MYH15: variants seen among roughly 807,000 people sequenced by gnomAD.
MYH15 encodes myosin heavy chain 15.
In MYH15, 227 loss-of-function variants were observed where a neutral mutation model predicts 240.5. The observed-to-expected ratio is 0.94, with a 90% confidence interval of 0.85 to 1.05. The LOEUF is 1.05. Ranked by LOEUF, MYH15 falls within the 50% of genes least tolerant of loss-of-function variation. The pLI is 0.00. For synonymous variants in MYH15, 785 were observed against 796.7 expected, an observed-to-expected ratio of 0.99 and a Z score of 0.25; for missense variants, 2,217 against 2,247.5, an observed-to-expected ratio of 0.99 and a Z score of 0.27.
intron 25 of MYH15, among the ~76,000 whole-genome samples, chr3:108,434,553 TTAA>T (rs1266344098): frequency 1.2e-5 from 1 of 86,524 alleles, no homozygotes; most frequent in Non-Finnish European, 2.2e-5. Flanking sequence ...AATTATTATA[TTAA>T]TAACATATTA....
chr3:108,392,336 A>G (rs1323666062), intron 36 of MYH15, among the ~76,000 whole-genome samples: 2 of 152,228 alleles, frequency 1.3e-5, no homozygotes, highest in Non-Finnish European at 2.9e-5. Context: ...GCCTACAAAA[A>G]TCTTTTCACA....
rs139188390 is a variant in MYH15, at chr3:108,434,910, A to T, written c.3221+2644T>A. Among the ~76,000 whole-genome samples the T allele has an allele frequency of 1.3e-3, 205 of 152,324 alleles. 1 individual carries two copies. The highest frequency in any genetic ancestry group is 3.1e-3 in the Admixed American group (47 of 15,306). The stretch of plus-strand genomic sequence containing the variant: ...TATCATACTTCTGAAATTTTCTTAG[A>T]AAATAGATTACTATTTCATTGTTTT... On this transcript the variant is annotated intron_variant, in intron 25 of 40. Coordinates refer to ENST00000693548, the MANE Select transcript of MYH15 (RefSeq NM_014981.3).
intron 23 of MYH15, 51 bp downstream of exon 23, chr3:108,440,967 A>T: frequency 6.2e-7 from 1 of 1,604,874 alleles, no homozygotes; most frequent in Non-Finnish European, 8.5e-7. Flanking sequence ...CTGATTTGAG[A>T]GTGGAATTCT....
intron 36 of MYH15, among the ~76,000 whole-genome samples, chr3:108,392,518 G>A (rs2082429365): frequency 6.6e-6 from 1 of 152,232 alleles, no homozygotes; most frequent in South Asian, 2.1e-4. Flanking sequence ...CAATCATTAA[G>A]AACTGTTTTG....
chr3:108,477,336 C>G lies in MYH15; in HGVS notation c.1115-821G>C, dbSNP rs72941717. On this transcript the variant is annotated intron_variant, in intron 11 of 40. Coordinates refer to ENST00000693548, the MANE Select transcript of MYH15 (RefSeq NM_014981.3). ...TGAGGAGAAGCAAAAATCAAAATAA[C>G]TACTAATAGTTGCTACTAAAAGTTT... Among the ~76,000 whole-genome samples the G allele has an allele frequency of 2.4e-3, 366 of 152,200 alleles. 1 individual carries two copies. The highest frequency in any genetic ancestry group is 8.4e-3 in the African/African-American group (349 of 41,540).
chr3:108,410,898 C>T lies in MYH15; in HGVS notation c.4180G>A (p.Glu1394Lys), dbSNP rs749735364. Residue 1394 changes from glutamate to lysine, a missense_variant, in exon 31 of 41, where the codon GAA (glutamate) becomes AAA (lysine). Coordinates refer to ENST00000693548, the MANE Select transcript of MYH15 (RefSeq NM_014981.3). The part of the protein sequence containing the change: ...ELAIRLQEAA[E>K]AMGVANARNA... ...CTGGCATTGGCCACCCCCATGGCTT[C>T]GGCTGCCTCCTGCAATCTAATTGCC... 1.1e-5 allele frequency: 17 copies of T among 1,605,404 alleles called. No homozygotes were observed. Among genetic ancestry groups the T allele is most frequent in the East Asian group, 6.7e-5 (3 of 44,626 alleles).
At chr3:108,493,030 G>GAAGA (rs151039371) in intron 8 of MYH15, 84 bp downstream of exon 8, 1 of 1,058,680 alleles carries the variant, frequency 9.4e-7, no homozygotes, top group Non-Finnish European at 1.4e-6. Context: ...GAAAAGGAAG[G>GAAGA]AAGGAAGGAA....
the MYH15 span, among the ~76,000 whole-genome samples, chr3:108,545,688 T>TAC: frequency 0.039 from 5,315 of 137,752 alleles, 306 homozygotes; most frequent in African/African-American, 0.13. Flanking sequence ...GTTTCTAATA[T>TAC]ACACATACAC....
Position 108,392,105 on chromosome 3 carries a change from G to A in MYH15, c.5260-175C>T, listed in dbSNP as rs1165929342. 2.0e-5 allele frequency among the ~76,000 whole-genome samples: 3 copies of A among 152,266 alleles called. No individual in the cohort carries two copies. In the East Asian group the frequency reaches 5.8e-4, roughly 29 times the overall value. ...CCACCCTCGAGTTTGTTAACAGTAA[G>A]GCAATAGAGACAGCAGTAGCTACAG... On this transcript the variant is annotated intron_variant, in intron 36 of 40. Transcript: ENST00000693548.
At chr3:108,455,105 C>T (rs1353794757) in intron 20 of MYH15, among the ~76,000 whole-genome samples, 1 of 152,136 alleles carries the variant, frequency 6.6e-6, no homozygotes, top group African/African-American at 2.4e-5. Context: ...AATTTTTTAA[C>T]TCTCCTTCAA....
At chr3:108,498,678 G>A (rs1219254733) in intron 5 of MYH15, among the ~76,000 whole-genome samples, 1 of 152,172 alleles carries the variant, frequency 6.6e-6, no homozygotes, top group African/African-American at 2.4e-5. Context: ...AGGCCTGCCT[G>A]CCTTTATCTA....
chr3:108,429,085 C>A (rs1162585227), intron 26 of MYH15, among the ~76,000 whole-genome samples: 1 of 151,998 alleles, frequency 6.6e-6, no homozygotes, highest in African/African-American at 2.4e-5. Flanking sequence ...ATTGCTCAGC[C>A]CCTGATGATG....
chr3:108,473,317 T>A lies in MYH15; in HGVS notation c.1234-2470A>T, dbSNP rs535776311. On this transcript the variant is annotated intron_variant, in intron 12 of 40. Coordinates refer to ENST00000693548, the MANE Select transcript of MYH15 (RefSeq NM_014981.3). ...AGCCACCGTGCCCAGCCAAAATTTT[T>A]AACTATGTTGATCCCTCTCTTTCTC... 4.6e-5 allele frequency among the ~76,000 whole-genome samples: 7 copies of A among 152,334 alleles called. No homozygotes were observed. The South Asian group carries it at 1.5e-3, about 32-fold the overall frequency.
In MYH15 at chr3:108,399,173, CCATCTTCTTCTTCAGCCG is replaced by C. The variant is rs764555057; in HGVS notation, c.4813_4830del (p.Arg1605_Met1610del). On this transcript the variant is annotated inframe_deletion, in exon 34 of 41. Coordinates refer to ENST00000693548, the MANE Select transcript of MYH15 (RefSeq NM_014981.3). ...AGTTCCATCTCATTGAGGTCCTCTT[CCATCTTCTTCTTCAGCCG>C]GGTAACCTCAATTCTGCTCTTAGCT... is the stretch of plus-strand genomic sequence containing the variant. 1.2e-6 allele frequency: 2 copies of C among 1,614,216 alleles called. No individual in the cohort carries two copies. Among genetic ancestry groups the C allele is most frequent in the Non-Finnish European group, 1.7e-6 (2 of 1,180,042 alleles).
rs992645535 is a variant in MYH15 at position 108,433,706 on chromosome 3, C to T, written c.3222-2784G>A. Among the ~76,000 whole-genome samples, 5 of 152,096 alleles carry T rather than the reference C, an allele frequency of 3.3e-5. No homozygotes were observed. The East Asian group carries it at 7.7e-4, about 23-fold the overall frequency. The stretch of plus-strand genomic sequence containing the variant: ...CTGCACAAGTTCTCTCTGTTTTTGC[C>T]TGCCGCCATCCATATAAGATGTGAC... On this transcript the variant is annotated intron_variant, in intron 25 of 40. Coordinates refer to ENST00000693548, the MANE Select transcript of MYH15 (RefSeq NM_014981.3).
the MYH15 span, among the ~76,000 whole-genome samples, chr3:108,545,478 A>G: frequency 6.6e-6 from 1 of 151,826 alleles, no homozygotes; most frequent in South Asian, 2.1e-4. Flanking sequence ...TTTTCTAACA[A>G]GTATGTGTTA....
At chr3:108,473,837 G>A (rs1206626979) in intron 12 of MYH15, among the ~76,000 whole-genome samples, 1 of 152,150 alleles carries the variant, frequency 6.6e-6, no homozygotes, top group South Asian at 2.1e-4. Context: ...CCTCAAAGGA[G>A]GAATGCATTT....
chr3:108,403,035 C>T (rs531624703), intron 33 of MYH15, among the ~76,000 whole-genome samples: 1 of 152,200 alleles, frequency 6.6e-6, no homozygotes, highest in African/African-American at 2.4e-5. Context: ...ATGGAATACC[C>T]TATCATCCAA....
chr3:108,546,296 T>C, the MYH15 span, among the ~76,000 whole-genome samples: 45 of 152,158 alleles, frequency 3.0e-4, no homozygotes, highest in African/African-American at 1.1e-3. Context: ...TAAGCCTTTT[T>C]ATTTGAAGTT....
Sources: allele counts gnomAD v4.1 joint callset (sites outside exome capture counted in the v4.1 genomes callset), GRCh38; gene constraint gnomAD v4.1.1; transcripts MANE v1.5; gene names NCBI Gene and HGNC (gene_info 2026-07-23, HGNC 2026-07-21).